The following CNTN5 variants were observed in gnomAD, a reference collection of about 807,000 sequenced individuals.
CNTN5 encodes the protein contactin-5.
A neutral mutation model predicts 129.1 loss-of-function variants in CNTN5; 77 were observed. The ratio of observed to expected loss-of-function variants is 0.60; its 90% CI spans 0.50 to 0.72. The LOEUF (loss-of-function observed/expected upper bound fraction) is 0.72, where lower values mean the gene tolerates loss of function less well. Among genes scored for constraint, CNTN5 ranks in the 30% least tolerant of loss-of-function variants. The pLI, the probability that CNTN5 is intolerant of heterozygous loss-of-function variation, is 0.00. For missense variants in CNTN5, 1,478 were observed against 1,328.8 expected (o/e 1.11, Z -1.75); for synonymous variants, 509 against 465.6 (o/e 1.09, Z -1.20).
chr11:99,408,448 G>GAAAGAAAGAAAGAA (rs71305322), intron 2 of CNTN5, among the ~76,000 whole-genome samples: 7 of 78,080 alleles, frequency 9.0e-5, no homozygotes, highest in Non-Finnish European at 1.2e-4. Flanking sequence ...AAGAAAGAAA[G>GAAAGAAAGAAAGAA]AGAAAGAAAG....
At chr11:100,135,471 G>A (rs987986019) in intron 13 of CNTN5, among the ~76,000 whole-genome samples, 1 of 151,966 alleles carries the variant, frequency 6.6e-6, no homozygotes, top group Admixed American at 6.6e-5. Flanking sequence ...CACTGCGCCC[G>A]GCCAGAAAAG....
At chr11:99,715,809 T>C (rs1955194416) in intron 3 of CNTN5, among the ~76,000 whole-genome samples, 1 of 151,998 alleles carries the variant, frequency 6.6e-6, no homozygotes, top group Admixed American at 6.6e-5. Flanking sequence ...TCATGAATTA[T>C]TCCTTTCCCT....
At chr11:99,426,557 G>A (rs975543705) in intron 2 of CNTN5, among the ~76,000 whole-genome samples, 5 of 152,100 alleles carry the variant, frequency 3.3e-5, no homozygotes, top group African/African-American at 2.4e-5. Flanking sequence ...TTAAAGAGTG[G>A]TTAAAGCTGC....
At chr11:99,746,217 C>A (rs1268164276) in intron 3 of CNTN5, among the ~76,000 whole-genome samples, 3 of 152,128 alleles carry the variant, frequency 2.0e-5, no homozygotes, top group Non-Finnish European at 4.4e-5. Flanking sequence ...TCAGGACTTC[C>A]ATTTGTCTTT....
At chr11:99,125,152 G>A (rs1441467208) in intron 1 of CNTN5, among the ~76,000 whole-genome samples, 2 of 152,010 alleles carry the variant, frequency 1.3e-5, no homozygotes, top group African/African-American at 4.8e-5. Flanking sequence ...ACCTGGCAGA[G>A]ATGCAACATA....
intron 3 of CNTN5, among the ~76,000 whole-genome samples, chr11:99,620,449 T>G (rs1316113049): frequency 8.2e-6 from 1 of 122,210 alleles, no homozygotes; most frequent in Non-Finnish European, 1.9e-5. Flanking sequence ...TTCAGTAGTA[T>G]TTTGCTTTCT....
At chr11:99,797,134 T>G (rs892878052) in intron 3 of CNTN5, among the ~76,000 whole-genome samples, 15 of 152,122 alleles carry the variant, frequency 9.9e-5, no homozygotes, top group African/African-American at 3.6e-4. Flanking sequence ...GTATCACATT[T>G]CTTAATGCAA....
chr11:99,468,947 A>C (rs1945059084), intron 2 of CNTN5, among the ~76,000 whole-genome samples: 1 of 152,166 alleles, frequency 6.6e-6, no homozygotes, highest in African/African-American at 2.4e-5. Flanking sequence ...TAACGGAAAA[A>C]GAAATATGTG....
chr11:99,779,081 G>C (rs1565520850), intron 3 of CNTN5, among the ~76,000 whole-genome samples: 1 of 151,662 alleles, frequency 6.6e-6, no homozygotes, highest in South Asian at 2.1e-4. Flanking sequence ...ACAATTTCTT[G>C]AAACATTTCC....
chr11:100,232,196 G>A (rs1361443038), intron 16 of CNTN5, among the ~76,000 whole-genome samples: 1 of 152,002 alleles, frequency 6.6e-6, no homozygotes, highest in Non-Finnish European at 1.5e-5. Flanking sequence ...AGCATAGGAA[G>A]GGGAAAATGC....
intron 2 of CNTN5, among the ~76,000 whole-genome samples, chr11:99,494,922 T>G (rs1946168064): frequency 6.6e-6 from 1 of 152,224 alleles, no homozygotes; most frequent in Non-Finnish European, 1.5e-5. Context: ...ATCAGATTCT[T>G]GCTCATATTT....
intron 2 of CNTN5, among the ~76,000 whole-genome samples, chr11:99,353,610 A>G (rs549849226): frequency 1.4e-4 from 22 of 152,324 alleles, no homozygotes; most frequent in Admixed American, 7.2e-4. Flanking sequence ...TTGCATATGT[A>G]TGGCTAAGTC....
At chr11:100,044,514 G>A (rs1465196829) in intron 9 of CNTN5, among the ~76,000 whole-genome samples, 4 of 149,626 alleles carry the variant, frequency 2.7e-5, no homozygotes, top group African/African-American at 7.4e-5. Context: ...CTTTTTAATA[G>A]CCATTTTGAC....
At chr11:100,119,914 A>C (rs1368707765) in intron 13 of CNTN5, among the ~76,000 whole-genome samples, 3 of 151,970 alleles carry the variant, frequency 2.0e-5, no homozygotes, top group Non-Finnish European at 4.4e-5. Context: ...GGTGTCAGTT[A>C]ACACTTCCGT....
chr11:99,285,118 C>A (rs1040367039), intron 1 of CNTN5, among the ~76,000 whole-genome samples: 1 of 151,914 alleles, frequency 6.6e-6, no homozygotes, highest in Non-Finnish European at 1.5e-5. Flanking sequence ...CCCTGTCACC[C>A]CTAGCCTTCC....
At chr11:99,380,477 A>G (rs1211265731) in intron 2 of CNTN5, among the ~76,000 whole-genome samples, 2 of 152,136 alleles carry the variant, frequency 1.3e-5, no homozygotes, top group African/African-American at 4.8e-5. Flanking sequence ...GTTCATTCAA[A>G]TATTGTTTGT....
chr11:99,122,622 T>C (rs541358824), intron 1 of CNTN5, among the ~76,000 whole-genome samples: 1 of 152,200 alleles, frequency 6.6e-6, no homozygotes, highest in Admixed American at 6.6e-5. Flanking sequence ...TGGGGTTTAG[T>C]ATACAGATTA....
chr11:99,673,875 C>T (rs1953156266), intron 3 of CNTN5, among the ~76,000 whole-genome samples: 1 of 152,114 alleles, frequency 6.6e-6, no homozygotes, highest in Admixed American at 6.5e-5. Context: ...AGGTTGATTC[C>T]CTGTCTTTGC....
At chr11:99,358,417 C>T (rs576139880) in intron 2 of CNTN5, among the ~76,000 whole-genome samples, 3 of 151,252 alleles carry the variant, frequency 2.0e-5, no homozygotes, top group Admixed American at 1.3e-4. Flanking sequence ...AAAAATTAGC[C>T]AGGCGTGGTG....
Sources: allele counts gnomAD v4.1 joint callset (sites outside exome capture counted in the v4.1 genomes callset), GRCh38; gene constraint gnomAD v4.1.1; transcripts MANE v1.5; gene names NCBI Gene and HGNC (gene_info 2026-07-23, HGNC 2026-07-21).